ALX4: variants seen among roughly 807,000 people sequenced by gnomAD.
ALX4 encodes ALX homeobox 4.
A neutral mutation model predicts 40.6 loss-of-function variants in ALX4; 22 were observed. The observed-to-expected ratio is 0.54, with a 90% CI of 0.39 to 0.77. The LOEUF is 0.77. Ranked by LOEUF, ALX4 falls within the 30% of genes least tolerant of loss-of-function variation. The pLI, the probability that ALX4 is intolerant of heterozygous loss-of-function variation, is 0.00. For synonymous variants in ALX4, 266 were observed against 240.5 expected, an observed-to-expected ratio of 1.11 and a Z score of -0.98; for missense variants, 556 against 564.8, an observed-to-expected ratio of 0.98 and a Z score of 0.16.
intron 1 of ALX4, among the ~76,000 whole-genome samples, chr11:44,276,749 C>T (rs11037933): frequency 0.01 from 1,546 of 152,270 alleles, 17 homozygotes; most frequent in South Asian, 0.034. Context: ...GAAACTGTTC[C>T]ACCTCAAATC....
chr11:44,265,005 G>C lies in ALX4; in HGVS notation c.1085C>G (p.Thr362Arg). 1.2e-6 allele frequency: 2 copies of C among 1,613,076 alleles called. No homozygotes were observed. Among genetic ancestry groups the C allele is most frequent in the East Asian group, 4.5e-5 (2 of 44,880 alleles). The change falls in exon 4 of 4, where the codon ACG (threonine) becomes AGG (arginine). Residue 362 changes from threonine to arginine, a missense_variant. Coordinates refer to ENST00000652299, the MANE Select transcript of ALX4 (RefSeq NM_021926.4). ...VSGAGSHVGQTHMGSLFGAAS... is the reference protein window; with the variant it reads ...VSGAGSHVGQRHMGSLFGAAS... ...TGCTCCAAACAGGCTGCCCATGTGCGTCTGGCCCACGTGACTGCCAGCCCC... is the reference window on the plus strand; with the variant it reads ...TGCTCCAAACAGGCTGCCCATGTGCCTCTGGCCCACGTGACTGCCAGCCCC...
At chr11:44,307,313 G>C (rs1956475070) in intron 1 of ALX4, among the ~76,000 whole-genome samples, 1 of 152,346 alleles carries the variant, frequency 6.6e-6, no homozygotes, top group African/African-American at 2.4e-5. Context: ...TTTGCTGTCA[G>C]GTCACACTGC....
In ALX4 at chr11:44,274,169, T is replaced by A. The variant is rs956885605; in HGVS notation, c.777+1179A>T. Among the ~76,000 whole-genome samples the A allele has an allele frequency of 5.3e-5, 8 of 152,264 alleles. No homozygotes were observed. In the South Asian group the frequency reaches 1.2e-3, roughly 24 times the overall value. On this transcript the variant is annotated intron_variant, in intron 2 of 3. Transcript: ENST00000652299. Reference sequence around the variant, plus strand: ...AAGAAAACAAAAAAAATTTAAAAAATTTTTAAGAAGATAAAATAGGACAGT... The same window carrying A: ...AAGAAAACAAAAAAAATTTAAAAAAATTTTAAGAAGATAAAATAGGACAGT...
chr11:44,264,552 G>A lies in ALX4; in HGVS notation c.*302C>T. The A allele has an allele frequency of 2.0e-6, 1 of 504,494 alleles. No individual in the cohort carries two copies. The highest frequency in any genetic ancestry group is 3.6e-6 in the Non-Finnish European group (1 of 278,720). 31.3% of individuals were successfully genotyped at this position (504,494 alleles called of 1,614,324 possible). A position where few individuals can be genotyped will look rare whatever the true frequency, so the allele number is the denominator to read the frequency against. ...AGAGCAGAGGAGTGGGCGGGAGCAA[G>A]AAAGCGCTTTCAGCTTATCATGGAT... On this transcript the variant is annotated 3_prime_UTR_variant, in exon 4 of 4. Coordinates refer to ENST00000652299, the MANE Select transcript of ALX4 (RefSeq NM_021926.4).
intron 1 of ALX4, among the ~76,000 whole-genome samples, chr11:44,275,960 C>G (rs544611516): frequency 8.5e-5 from 13 of 152,174 alleles, no homozygotes; most frequent in Non-Finnish European, 1.2e-4. Context: ...CCTTTAATCC[C>G]CACCTCACTG....
intron 1 of ALX4, among the ~76,000 whole-genome samples, chr11:44,299,780 C>G (rs1956424939): frequency 6.6e-6 from 1 of 152,158 alleles, no homozygotes; most frequent in Non-Finnish European, 1.5e-5. Context: ...TTTCTTGGAG[C>G]CCTCGGCCAG....
At chr11:44,303,719 T>G (rs1590704690) in intron 1 of ALX4, among the ~76,000 whole-genome samples, 1 of 151,802 alleles carries the variant, frequency 6.6e-6, no homozygotes, top group Non-Finnish European at 1.5e-5. Context: ...GTGCTGGGGG[T>G]GGGGGCCGGG....
chr11:44,304,492 G>A (rs1004211055), intron 1 of ALX4, among the ~76,000 whole-genome samples: 1 of 151,892 alleles, frequency 6.6e-6, no homozygotes, highest in Non-Finnish European at 1.5e-5. Context: ...AAGGCAGGGC[G>A]CGCCCCCCCC....
At chr11:44,278,690 C>T (rs918827850) in intron 1 of ALX4, among the ~76,000 whole-genome samples, 2 of 152,204 alleles carry the variant, frequency 1.3e-5, no homozygotes, top group Non-Finnish European at 2.9e-5. Context: ...GGAGCCCTGG[C>T]CTCGGCCCCC....
At position 44,264,626 on chromosome 11, in the gene ALX4, G is replaced by A. The variant is rs4755798; in HGVS notation, c.*228C>T. ...CTGGCTTTCTCCACTGCCTGTGGCC[G>A]GGAGCAGGGGTCAGGGCCTCAGTGC... is the stretch of plus-strand genomic sequence containing the variant. On this transcript the variant is annotated 3_prime_UTR_variant, in exon 4 of 4. Coordinates refer to ENST00000652299, the MANE Select transcript of ALX4 (RefSeq NM_021926.4). 145,898 of 589,360 alleles carry A rather than the reference G, an allele frequency of 0.25. 19,205 individuals are homozygous for A. The highest frequency in any genetic ancestry group is 0.29 in the Middle Eastern group (631 of 2,204). The allele number at this position is 589,360 out of a possible 1,614,324, so 36.5% of individuals were successfully genotyped here. A position where few individuals can be genotyped will look rare whatever the true frequency, so the allele number is the denominator to read the frequency against.
At chr11:44,309,512 C>T in intron 1 of ALX4, 85 bp downstream of exon 1, 1 of 1,521,182 alleles carries the variant, frequency 6.6e-7, no homozygotes, top group Non-Finnish European at 8.8e-7. Context: ...CCAACTCATA[C>T]CTCCCGCAAG....
chr11:44,295,863 G>A (rs1252032003), intron 1 of ALX4, among the ~76,000 whole-genome samples: 2 of 152,196 alleles, frequency 1.3e-5, no homozygotes, highest in East Asian at 3.9e-4. Context: ...TCAACTGAAG[G>A]GGCAGAGGGG....
chr11:44,307,617 T>C (rs61879128), intron 1 of ALX4, among the ~76,000 whole-genome samples: 145,766 of 152,334 alleles, frequency 0.96, 69,948 homozygotes, highest in Non-Finnish European at 0.99. Context: ...GCATGAGCTC[T>C]CTGGCTATGC....
At chr11:44,303,666 TG>T (rs1374658916) in intron 1 of ALX4, among the ~76,000 whole-genome samples, 18 of 152,128 alleles carry the variant, frequency 1.2e-4, no homozygotes, top group East Asian at 7.7e-4. Flanking sequence ...TGGTGCGGGT[TG>T]GGGTCAGGTG....
intron 1 of ALX4, among the ~76,000 whole-genome samples, chr11:44,291,964 A>G (rs1479883562): frequency 1.3e-5 from 2 of 152,122 alleles, no homozygotes; most frequent in Admixed American, 6.6e-5. Flanking sequence ...GATTACCAGC[A>G]CTGGTCACTG....
chr11:44,309,240 G>A (rs996116517), intron 1 of ALX4, among the ~76,000 whole-genome samples: 1 of 99,034 alleles, frequency 1.0e-5, no homozygotes, highest in African/African-American at 3.2e-5. Context: ...GCGCCAGAGC[G>A]CTGCGCGGAG....
rs554776907 is a variant in ALX4 at position 44,295,198 on chromosome 11, A to G, written c.466+14399T>C. On this transcript the variant is annotated intron_variant, in intron 1 of 3. Coordinates refer to ENST00000652299, the MANE Select transcript of ALX4 (RefSeq NM_021926.4). Reference sequence around the variant, plus strand: ...ATTTAAGCCTCACCCTATCACTAACAGGTAGACATGATTCTTATCCCCACT... The same window carrying G: ...ATTTAAGCCTCACCCTATCACTAACGGGTAGACATGATTCTTATCCCCACT... Among the ~76,000 whole-genome samples the G allele has an allele frequency of 9.2e-4, 140 of 152,278 alleles. 1 individual carries two copies. The highest frequency in any genetic ancestry group is 2.6e-3 in the African/African-American group (110 of 41,558).
At chr11:44,290,099 C>T (rs1221458682) in intron 1 of ALX4, among the ~76,000 whole-genome samples, 2 of 152,164 alleles carry the variant, frequency 1.3e-5, no homozygotes, top group Non-Finnish European at 2.9e-5. Context: ...GTCTGTCTGC[C>T]CATTGTCCCT....
At chr11:44,289,488 T>A (rs767233642) in intron 1 of ALX4, among the ~76,000 whole-genome samples, 32 of 152,216 alleles carry the variant, frequency 2.1e-4, no homozygotes, top group Non-Finnish European at 2.9e-5. Flanking sequence ...CCAGTGAAGA[T>A]GAATAACTTG....
Sources: gnomAD v4.1 joint callset for allele counts (sites outside exome capture counted in the v4.1 genomes callset) on GRCh38, gnomAD v4.1.1 for gene constraint, MANE v1.5 for transcripts, NCBI Gene and HGNC (gene_info 2026-07-23, HGNC 2026-07-21) for gene names.